PLAC1: variants seen among roughly 807,000 people sequenced by gnomAD.
PLAC1 encodes the protein placenta-specific protein 1.
For missense variants in PLAC1, 136 were observed against 163.2 expected, an observed-to-expected ratio of 0.83 and a Z score of 0.91; for synonymous variants, 68 against 62.1, an observed-to-expected ratio of 1.09 and a Z score of -0.44.
At chrX:134,651,622 C>T (rs1190058150) in intron 1 of PLAC1, among the ~76,000 whole-genome samples, 1 of 111,360 alleles carries the variant, frequency 9.0e-6, no homozygotes, top group Non-Finnish European at 1.9e-5. Context: ...GCTGTCAGCG[C>T]CATGGGTTCT....
chrX:134,743,672 T>C (rs947213528), intron 1 of PLAC1, among the ~76,000 whole-genome samples: 2 of 111,369 alleles, frequency 1.8e-5, no homozygotes, highest in African/African-American at 6.5e-5. Context: ...ACAAATAAGG[T>C]AGCCTCCTGG....
At chrX:134,653,443 G>A (rs1241777262) in intron 1 of PLAC1, among the ~76,000 whole-genome samples, 5 of 112,390 alleles carry the variant, frequency 4.4e-5, no homozygotes, top group Non-Finnish European at 9.4e-5. Context: ...GACAGGGGAC[G>A]TCAGTGCTTC....
chrX:134,636,582 G>A (rs1037286118), intron 1 of PLAC1, among the ~76,000 whole-genome samples: 2 of 112,114 alleles, frequency 1.8e-5, no homozygotes, highest in Non-Finnish European at 3.8e-5. Context: ...GAGGAGGGAT[G>A]GGATGCAGTG....
intron 2 of PLAC1, among the ~76,000 whole-genome samples, chrX:134,725,427 C>T (rs900412157): frequency 1.8e-5 from 2 of 111,471 alleles, no homozygotes; most frequent in African/African-American, 3.3e-5. Context: ...GCACGCATTG[C>T]AGTCACCTGG....
At chrX:134,669,420 G>T (rs1202470899) in intron 2 of PLAC1, among the ~76,000 whole-genome samples, 1 of 112,490 alleles carries the variant, frequency 8.9e-6, no homozygotes, top group Non-Finnish European at 1.9e-5. Flanking sequence ...ATGTTAATAT[G>T]TGTAAAGAAG....
chrX:134,654,989 G>T (rs140437895), intron 1 of PLAC1, among the ~76,000 whole-genome samples: 1,172 of 111,675 alleles, frequency 0.01, 16 homozygotes, highest in African/African-American at 0.035. Context: ...ACAAAAAGAT[G>T]CATAGCATGA....
intron 2 of PLAC1, among the ~76,000 whole-genome samples, chrX:134,701,972 T>C (rs770865220): frequency 6.2e-4 from 70 of 112,059 alleles, no homozygotes; most frequent in African/African-American, 2.0e-3. Context: ...TGAGCCAAGA[T>C]TGTGCCACTG....
intron 2 of PLAC1, among the ~76,000 whole-genome samples, chrX:134,567,800 AAG>A (rs1193095653): frequency 4.5e-5 from 4 of 89,308 alleles, no homozygotes; most frequent in Admixed American, 1.3e-4. Context: ...AAAGGAAAGA[AAG>A]AGAGAGAGAG....
rs2077877744 is a variant in PLAC1 at position 134,566,660 on chromosome X, C to A, written c.23G>T (p.Gly8Val). 1 of 1,192,744 alleles carries A rather than the reference C, an allele frequency of 8.4e-7. No individual in the cohort carries two copies. Among genetic ancestry groups the A allele is most frequent in the South Asian group, 1.8e-5 (1 of 55,801 alleles). ...CGCAGAGGTGAGGAGGATCATCAGT[C>A]CTATGAACTTAAAAACTTTCATCCC... is the stretch of plus-strand genomic sequence containing the variant. The part of the protein sequence containing the change: MKVFKFI[G>V]LMILLTSAFS... The change falls in exon 3 of 3, where the codon GGA (glycine) becomes GTA (valine). Residue 8 changes from glycine (G) to valine (V), a missense_variant. Coordinates refer to ENST00000359237, the MANE Select transcript of PLAC1 (RefSeq NM_021796.4).
At chrX:134,591,594 G>A (rs1001014334) in intron 2 of PLAC1, among the ~76,000 whole-genome samples, 51 of 112,580 alleles carry the variant, frequency 4.5e-4, no homozygotes, top group African/African-American at 1.5e-3. Context: ...AACAAATAAC[G>A]CTGTTATAAA....
intron 2 of PLAC1, among the ~76,000 whole-genome samples, chrX:134,599,111 T>C (rs2078076452): frequency 9.0e-6 from 1 of 111,671 alleles, no homozygotes; most frequent in Non-Finnish European, 1.9e-5. Context: ...AGATAACATT[T>C]GGATTAGCAT....
intron 2 of PLAC1, among the ~76,000 whole-genome samples, chrX:134,714,057 G>T (rs1242548269): frequency 1.8e-5 from 2 of 111,732 alleles, no homozygotes; most frequent in Non-Finnish European, 3.8e-5. Context: ...GTGGGGAGTT[G>T]AAGAGCTGAT....
chrX:134,579,902 A>G (rs1216090929), intron 2 of PLAC1, among the ~76,000 whole-genome samples: 1 of 111,559 alleles, frequency 9.0e-6, no homozygotes, highest in Non-Finnish European at 1.9e-5. Context: ...CTTCCACCAA[A>G]CATAGCTATT....
chrX:134,726,713 C>T (rs1433229790), intron 2 of PLAC1, among the ~76,000 whole-genome samples: 1 of 106,268 alleles, frequency 9.4e-6, no homozygotes, highest in Non-Finnish European at 1.9e-5. Context: ...GTCCCAGCTA[C>T]TCAGGAGGCT....
At chrX:134,617,003 T>C (rs1364808130) in intron 1 of PLAC1, among the ~76,000 whole-genome samples, 9 of 102,405 alleles carry the variant, frequency 8.8e-5, no homozygotes, top group African/African-American at 2.5e-4. Context: ...GGTGGGGGGG[T>C]GGGGAGACTG....
intron 1 of PLAC1, among the ~76,000 whole-genome samples, chrX:134,653,737 T>A (rs2078375245): frequency 9.0e-6 from 1 of 111,104 alleles, no homozygotes; most frequent in African/African-American, 3.3e-5. Flanking sequence ...CTAGTAGGAG[T>A]TCAATTCCAC....
At chrX:134,700,198 G>C (rs1379240671) in intron 2 of PLAC1, among the ~76,000 whole-genome samples, 1 of 111,416 alleles carries the variant, frequency 9.0e-6, no homozygotes, top group Non-Finnish European at 1.9e-5. Context: ...TAACTATCTG[G>C]TTTATTTATA....
At chrX:134,616,630 C>T (rs1190335504) in intron 1 of PLAC1, among the ~76,000 whole-genome samples, 2 of 109,162 alleles carry the variant, frequency 1.8e-5, no homozygotes, top group South Asian at 4.1e-4. Flanking sequence ...AGCAAGACTC[C>T]GTCTCAAAAC....
intron 2 of PLAC1, among the ~76,000 whole-genome samples, chrX:134,722,254 T>C (rs1302336195): frequency 8.9e-6 from 1 of 112,001 alleles, no homozygotes; most frequent in African/African-American, 3.2e-5. Context: ...TATTCACAGA[T>C]AGCCAAAAGA....
Sources: allele counts gnomAD v4.1 joint callset (sites outside exome capture counted in the v4.1 genomes callset), GRCh38; gene constraint gnomAD v4.1.1; transcripts MANE v1.5; gene names NCBI Gene and HGNC (gene_info 2026-07-23, HGNC 2026-07-21).